TPD52L1: variants seen among roughly 807,000 people sequenced by gnomAD.
TPD52L1 encodes TPD52 like 1, also known as tumor protein D53.
Under a neutral mutation model 28.7 loss-of-function variants are expected in TPD52L1, and 18 were observed. The observed-to-expected ratio is 0.63, with a 90% CI of 0.43 to 0.93. The LOEUF (loss-of-function observed/expected upper bound fraction) is 0.93, where lower values mean the gene tolerates loss of function less well. TPD52L1 is among the 40% of genes least tolerant of loss of function. The probability of loss-of-function intolerance (pLI) is 0.00; values close to 1 mark genes in which losing one functional copy is unlikely to be tolerated. For synonymous variants in TPD52L1, 75 were observed against 88.8 expected (o/e 0.84, Z 0.88); for missense variants, 203 against 254.8 (o/e 0.80, Z 1.39).
intron 1 of TPD52L1, among the ~76,000 whole-genome samples, chr6:125,180,571 C>T (rs546166): frequency 0.44 from 60,875 of 136,920 alleles, 13,039 homozygotes; most frequent in African/African-American, 0.64. Flanking sequence ...ATTATATATA[C>T]ACACACACAC....
At chr6:125,242,005 G>T (rs1244654623) in intron 3 of TPD52L1, among the ~76,000 whole-genome samples, 1 of 151,540 alleles carries the variant, frequency 6.6e-6, no homozygotes, top group African/African-American at 2.4e-5. Context: ...GTATCCCAGA[G>T]GTTTTGATAA....
intron 1 of TPD52L1, among the ~76,000 whole-genome samples, chr6:125,172,552 A>ATATACTATATATATACT: frequency 2.8e-5 from 2 of 72,374 alleles, no homozygotes; most frequent in East Asian, 7.0e-4. Context: ...ATATATATAT[A>ATATACTATATATATACT]ATATATATAC....
intron 1 of TPD52L1, among the ~76,000 whole-genome samples, chr6:125,164,728 T>C (rs2114752197): frequency 6.6e-6 from 1 of 152,150 alleles, no homozygotes; most frequent in Non-Finnish European, 1.5e-5. Flanking sequence ...TTTAAGAAAA[T>C]ACCTAGTAAA....
At chr6:125,163,983 C>CA (rs1364347316) in intron 1 of TPD52L1, among the ~76,000 whole-genome samples, 1 of 148,594 alleles carries the variant, frequency 6.7e-6, no homozygotes, top group African/African-American at 2.5e-5. Flanking sequence ...AGGAAGGTAA[C>CA]ATTTTGGTTT....
chr6:125,157,895 T>C (rs968877116), intron 1 of TPD52L1, among the ~76,000 whole-genome samples: 1 of 152,184 alleles, frequency 6.6e-6, no homozygotes, highest in Non-Finnish European at 1.5e-5. Context: ...CCAAAGGCAC[T>C]ATCACTAGGC....
At chr6:125,170,665 T>C (rs748563446) in intron 1 of TPD52L1, among the ~76,000 whole-genome samples, 4 of 152,126 alleles carry the variant, frequency 2.6e-5, no homozygotes, top group Non-Finnish European at 5.9e-5. Flanking sequence ...GTCTTTTGTC[T>C]ATGACCCAGA....
intron 1 of TPD52L1, among the ~76,000 whole-genome samples, chr6:125,172,580 G>GTTATATATATAATT (rs1791555945): frequency 1.7e-5 from 1 of 57,406 alleles, no homozygotes; most frequent in African/African-American, 7.5e-5. Context: ...CATGAAATTA[G>GTTATATATATAATT]GTATATATAT....
intron 1 of TPD52L1, among the ~76,000 whole-genome samples, chr6:125,167,057 G>C (rs1260702632): frequency 6.6e-6 from 1 of 152,048 alleles, no homozygotes; most frequent in Non-Finnish European, 1.5e-5. Flanking sequence ...AGGAGCTCAA[G>C]ACCAGCCCAG....
At chr6:125,229,748 T>C (rs746997180) in intron 3 of TPD52L1, among the ~76,000 whole-genome samples, 3 of 152,206 alleles carry the variant, frequency 2.0e-5, no homozygotes, top group Non-Finnish European at 4.4e-5. Flanking sequence ...TTTGCACTTT[T>C]CATTCTCACT....
chr6:125,252,224 CTCTA>C lies in TPD52L1; in HGVS notation c.387-1489_387-1486del, dbSNP rs1261019644. On this transcript the variant is annotated intron_variant, in intron 4 of 6. Transcript: ENST00000534000. ...TACATTTGAACTTATTGAAGTACAT[CTCTA>C]TCTCATTTCTGAATCATTTACACCA... 8 of 576,216 alleles carry C rather than the reference CTCTA, an allele frequency of 1.4e-5. No homozygotes were observed. In the African/African-American group the frequency reaches 1.5e-4, roughly 11 times the overall value. The allele number at this position is 576,216 out of a possible 1,614,324, so 35.7% of individuals were successfully genotyped here. A position where few individuals can be genotyped will look rare whatever the true frequency, so the allele number is the denominator to read the frequency against.
In TPD52L1 at chr6:125,262,848, T is replaced by C; in HGVS notation, c.501T>C (p.Gly167=). 6.2e-7 allele frequency: 1 copy of C among 1,614,064 alleles called. No individual in the cohort carries two copies. The highest frequency in any genetic ancestry group is 1.3e-5 in the African/African-American group (1 of 75,058). ...TVTSLKTKVG[G]TNPNGGSFEE... ...GCTCATTTCAGACGAAAGTAGGCGG[T>C]ACGAACCCTAATGGAGGCAGTTTTG... Residue 167 remains glycine (G), a synonymous_variant, in exon 7 of 7, where the codon GGT becomes GGC. Transcript: ENST00000534000.
In TPD52L1 at chr6:125,180,569, TACACAC is replaced by T. The variant is rs374673277; in HGVS notation, c.19+26620_19+26625del. The stretch of plus-strand genomic sequence containing the variant: ...TACACACACACACATATATTATATA[TACACAC>T]ACACACACACACACACACACTCACA... On this transcript the variant is annotated intron_variant, in intron 1 of 6. Transcript: ENST00000534000. Among the ~76,000 whole-genome samples, 35 of 150,262 alleles carry T rather than the reference TACACAC, an allele frequency of 2.3e-4. 1 individual carries two copies. Among genetic ancestry groups the T allele is most frequent in the African/African-American group, 6.3e-4 (26 of 41,098 alleles).
At position 125,165,092 on chromosome 6, in the gene TPD52L1, A is replaced by ATATATATATATATTTATT; in HGVS notation, c.19+11129_19+11130insATATATTTATTTATATAT. ...CCTGTCTCTTAAAAAAAAGATATAT[A>ATATATATATATATTTATT]TATATATTTTAACTGTATATATATA... On this transcript the variant is annotated intron_variant, in intron 1 of 6. Coordinates refer to ENST00000534000, the MANE Select transcript of TPD52L1 (RefSeq NM_003287.4). 1.7e-3 allele frequency among the ~76,000 whole-genome samples: 180 copies of ATATATATATATATTTATT among 104,202 alleles called. 27 individuals are homozygous for ATATATATATATATTTATT. The highest frequency in any genetic ancestry group is 0.011 in the African/African-American group (175 of 16,460). 68.4% of individuals were successfully genotyped at this position (104,202 alleles called of 152,430 possible).
At chr6:125,211,318 T>C (rs1275981564) in intron 1 of TPD52L1, among the ~76,000 whole-genome samples, 1 of 150,844 alleles carries the variant, frequency 6.6e-6, no homozygotes, top group Admixed American at 6.6e-5. Flanking sequence ...GTGTAACACA[T>C]ATGTTAAAGA....
At chr6:125,159,871 T>G (rs1445982754) in intron 1 of TPD52L1, among the ~76,000 whole-genome samples, 1 of 152,202 alleles carries the variant, frequency 6.6e-6, no homozygotes, top group Non-Finnish European at 1.5e-5. Context: ...CCAAATCTCA[T>G]CTTGAATTGT....
At chr6:125,217,070 A>G (rs539536021) in intron 1 of TPD52L1, among the ~76,000 whole-genome samples, 146 of 152,344 alleles carry the variant, frequency 9.6e-4, no homozygotes, top group African/African-American at 3.4e-3. Context: ...TATTTACAAT[A>G]TAAAGGTAAA....
intron 1 of TPD52L1, among the ~76,000 whole-genome samples, chr6:125,176,313 C>T (rs512381): frequency 0.56 from 85,426 of 152,108 alleles, 26,861 homozygotes; most frequent in African/African-American, 0.85. Flanking sequence ...TGCAAGTAGT[C>T]ACTGAACTCA....
chr6:125,255,789 T>A (rs1797561443), intron 5 of TPD52L1, among the ~76,000 whole-genome samples: 1 of 152,114 alleles, frequency 6.6e-6, no homozygotes, highest in African/African-American at 2.4e-5. Flanking sequence ...TAATTCAACA[T>A]TTAGTTGAAT....
At chr6:125,177,217 C>G (rs911650673) in intron 1 of TPD52L1, among the ~76,000 whole-genome samples, 2 of 152,152 alleles carry the variant, frequency 1.3e-5, no homozygotes, top group African/African-American at 4.8e-5. Context: ...GATTTCTAAT[C>G]TTCCAAACCC....
Sources: allele counts gnomAD v4.1 joint callset (sites outside exome capture counted in the v4.1 genomes callset), GRCh38; gene constraint gnomAD v4.1.1; transcripts MANE v1.5; gene names NCBI Gene and HGNC (gene_info 2026-07-23, HGNC 2026-07-21).